GNG7: variants seen among roughly 807,000 people sequenced by gnomAD.
GNG7 encodes G protein subunit gamma 7, also known as guanine nucleotide-binding protein G(I)/G(S)/G(O) subunit gamma-7.
Under a neutral mutation model 4.0 loss-of-function variants are expected in GNG7, and 1 was observed. The observed-to-expected ratio is 0.25, with a 90% CI of 0.09 to 1.18. GNG7 has a LOEUF of 1.18. Among genes scored for constraint, GNG7 ranks in the 50% most tolerant of loss-of-function variants. The pLI, the probability that GNG7 is intolerant of heterozygous loss-of-function variation, is 0.50. For synonymous variants in GNG7, 34 were observed against 36.9 expected (o/e 0.92, Z 0.29); for missense variants, 86 against 91.9 (o/e 0.94, Z 0.26).
rs1038742324 is a variant in GNG7, at chr19:2,644,490, A to G, written c.-78+1734T>C. On this transcript the variant is annotated intron_variant, in intron 2 of 4. Coordinates refer to ENST00000382159, the MANE Select transcript of GNG7 (RefSeq NM_052847.3). ...CTGAGTATTATCTGCGGCACCAAAA[A>G]GAAGAAAAAAATCATAAAATAAAAA... Among the ~76,000 whole-genome samples the G allele has an allele frequency of 4.6e-5, 7 of 151,730 alleles. No individual in the cohort carries two copies. The South Asian group carries it at 1.5e-3, about 32-fold the overall frequency.
intron 2 of GNG7, among the ~76,000 whole-genome samples, chr19:2,597,004 A>C (rs1407310839): frequency 6.6e-6 from 1 of 152,064 alleles, no homozygotes; most frequent in Non-Finnish European, 1.5e-5. Flanking sequence ...CACACCTGCA[A>C]TCCCAGCACT....
intron 2 of GNG7, among the ~76,000 whole-genome samples, chr19:2,581,210 G>A (rs1980493374): frequency 6.6e-6 from 1 of 151,864 alleles, no homozygotes; most frequent in Non-Finnish European, 1.5e-5. Flanking sequence ...GGCCCAGCCT[G>A]AAAGTGATTA....
chr19:2,575,639 G>A (rs1261635362), intron 2 of GNG7, among the ~76,000 whole-genome samples: 14 of 102,496 alleles, frequency 1.4e-4, no homozygotes, highest in African/African-American at 3.8e-4. Flanking sequence ...GCACACACAG[G>A]CACACGCAGA....
chr19:2,686,388 C>T (rs1431884609), intron 1 of GNG7, among the ~76,000 whole-genome samples: 1 of 152,130 alleles, frequency 6.6e-6, no homozygotes, highest in African/African-American at 2.4e-5. Flanking sequence ...CAACTACTGG[C>T]CTCAGGTGAT....
intron 2 of GNG7, chr19:2,643,964 T>G (rs1982589482): frequency 8.9e-6 from 2 of 223,926 alleles, no homozygotes; most frequent in Non-Finnish European, 1.8e-5. Flanking sequence ...ATGTTTGGCT[T>G]CATAAATAAA....
At chr19:2,553,456 A>G (rs1481004726) in intron 3 of GNG7, among the ~76,000 whole-genome samples, 3 of 147,484 alleles carry the variant, frequency 2.0e-5, no homozygotes, top group Non-Finnish European at 4.5e-5. Context: ...TATATGCAAT[A>G]TATTATGTTA....
Position 2,546,079 on chromosome 19 carries a change from TG to T in GNG7, c.-38+9069del, listed in dbSNP as rs1979115777. On this transcript the variant is annotated intron_variant, in intron 3 of 4. Coordinates refer to ENST00000382159, the MANE Select transcript of GNG7 (RefSeq NM_052847.3). This position sits in a 1 kb window ranked among gnomAD's most constrained non-coding sequence, Gnocchi z 6.3. ...AACGATCAGGCGTTGATGTGTCCCCTGGCAGCTGGGATGCAGGCCCCCCACG... is the reference window on the plus strand; with the variant it reads ...AACGATCAGGCGTTGATGTGTCCCCTGCAGCTGGGATGCAGGCCCCCCACG... Among the ~76,000 whole-genome samples the T allele has an allele frequency of 6.6e-6, 1 of 152,218 alleles. No homozygotes were observed. The highest frequency in any genetic ancestry group is 2.1e-4 in the South Asian group (1 of 4,836).
intron 3 of GNG7, among the ~76,000 whole-genome samples, chr19:2,550,304 G>A (rs542743821): frequency 1.1e-4 from 17 of 152,254 alleles, no homozygotes; most frequent in Admixed American, 6.5e-4. Context: ...TGCAACCTCC[G>A]CCTCCCGGGT....
chr19:2,551,079 C>G (rs1979303500), intron 3 of GNG7, among the ~76,000 whole-genome samples: 1 of 152,226 alleles, frequency 6.6e-6, no homozygotes. Flanking sequence ...AGCTTGCGGC[C>G]TGGAGACACC....
intron 2 of GNG7, among the ~76,000 whole-genome samples, chr19:2,620,027 G>A (rs555955418): frequency 1.3e-5 from 2 of 151,504 alleles, no homozygotes; most frequent in South Asian, 2.1e-4. Flanking sequence ...AAGAAACCCC[G>A]TCTCTACTAA....
chr19:2,627,013 C>A (rs572967780), intron 2 of GNG7, among the ~76,000 whole-genome samples: 1 of 152,300 alleles, frequency 6.6e-6, no homozygotes, highest in Non-Finnish European at 1.5e-5. Flanking sequence ...GAGCAGACGG[C>A]ATAAACCCGG....
At chr19:2,649,166 G>T (rs1027524146) in intron 1 of GNG7, among the ~76,000 whole-genome samples, 1 of 151,880 alleles carries the variant, frequency 6.6e-6, no homozygotes, top group Non-Finnish European at 1.5e-5. Flanking sequence ...TGAACTCCTG[G>T]GCTCAAGTGA....
At chr19:2,536,721 A>G (rs1978748601) in intron 3 of GNG7, among the ~76,000 whole-genome samples, 1 of 151,916 alleles carries the variant, frequency 6.6e-6, no homozygotes, top group Non-Finnish European at 1.5e-5. Flanking sequence ...GACTTCCCTG[A>G]GCCTCAGCTT....
At chr19:2,589,485 G>T (rs1980776551) in intron 2 of GNG7, among the ~76,000 whole-genome samples, 1 of 148,570 alleles carries the variant, frequency 6.7e-6, no homozygotes, top group Non-Finnish European at 1.5e-5. Context: ...CTCCCTAAGT[G>T]CTGAGATCAC....
intron 1 of GNG7, among the ~76,000 whole-genome samples, chr19:2,696,264 GAGA>G (rs1019493351): frequency 5.0e-5 from 7 of 139,028 alleles, no homozygotes; most frequent in Non-Finnish European, 7.7e-5. Flanking sequence ...AAGAAAGAAA[GAGA>G]AGGAGAGAAA....
chr19:2,597,679 G>A (rs971626727), intron 2 of GNG7, among the ~76,000 whole-genome samples: 6 of 150,520 alleles, frequency 4.0e-5, no homozygotes, highest in South Asian at 2.1e-4. Context: ...GGTGGATCAC[G>A]AGGTCAGCAG....
intron 3 of GNG7, among the ~76,000 whole-genome samples, chr19:2,552,267 C>G (rs981110052): frequency 1.3e-5 from 2 of 152,100 alleles, no homozygotes; most frequent in African/African-American, 4.8e-5. Context: ...CATGCCACTG[C>G]ACTCCAGACT....
rs35760652 is a variant in GNG7, at chr19:2,546,436, G to A, written c.-38+8713C>T. Among the ~76,000 whole-genome samples, 12,427 of 152,294 alleles carry A rather than the reference G, an allele frequency of 0.082. 619 individuals carry two copies. Among genetic ancestry groups the A allele is most frequent in the South Asian group, 0.16 (794 of 4,824 alleles). ...GCAGGGCCGTGGGGCCCAGGGCTGCGGGCGGGAGGGCCTCTGCCACATGGA... is the reference window on the plus strand; with the variant it reads ...GCAGGGCCGTGGGGCCCAGGGCTGCAGGCGGGAGGGCCTCTGCCACATGGA... On this transcript the variant is annotated intron_variant, in intron 3 of 4. Transcript: ENST00000382159. The surrounding 1 kb of genome is among the most constrained non-coding windows in gnomAD (Gnocchi z 6.3).
At chr19:2,622,078 T>A (rs1981888343) in intron 2 of GNG7, among the ~76,000 whole-genome samples, 1 of 148,488 alleles carries the variant, frequency 6.7e-6, no homozygotes, top group Admixed American at 6.6e-5. Context: ...ATCAACTTTT[T>A]TTTTTTTTCT....
Sources: allele counts gnomAD v4.1 joint callset (sites outside exome capture counted in the v4.1 genomes callset), GRCh38; gene constraint gnomAD v4.1.1; non-coding constraint Gnocchi (gnomAD v3.1); transcripts MANE v1.5; gene names NCBI Gene and HGNC (gene_info 2026-07-23, HGNC 2026-07-21).